PAPSS2: variants seen among roughly 807,000 people sequenced by gnomAD.
PAPSS2 encodes 3'-phosphoadenosine 5'-phosphosulfate synthase 2.
In PAPSS2, 61 loss-of-function variants were observed where a neutral mutation model predicts 66.5. The observed-to-expected ratio is 0.92, with a 90% CI of 0.75 to 1.14. PAPSS2 has a LOEUF of 1.14. PAPSS2 is among the 50% of genes most tolerant of loss of function. The pLI is 0.00. For missense variants in PAPSS2, 708 were observed against 789.6 expected, an observed-to-expected ratio of 0.90 and a Z score of 1.24; for synonymous variants, 289 against 287.5, an observed-to-expected ratio of 1.01 and a Z score of -0.05.
chr10:87,732,286 C>T (rs568559192), intron 9 of PAPSS2, among the ~76,000 whole-genome samples: 1 of 152,244 alleles, frequency 6.6e-6, no homozygotes, highest in East Asian at 1.9e-4. Flanking sequence ...AATCCCAACA[C>T]TTTGGGAGGC....
Position 87,678,754 on chromosome 10 carries a change from G to A in PAPSS2, c.27+18746G>A, listed in dbSNP as rs1852980932. On this transcript the variant is annotated intron_variant, in intron 1 of 12. Transcript: ENST00000456849. Reference sequence around the variant, plus strand: ...GATATTACCTCACCTCATGTAGAAGGGCTAATATGTAAAAAGACAAAAAAA... The same window carrying A: ...GATATTACCTCACCTCATGTAGAAGAGCTAATATGTAAAAAGACAAAAAAA... Among the ~76,000 whole-genome samples, 3 of 151,978 alleles carry A rather than the reference G, an allele frequency of 2.0e-5. No individual in the cohort carries two copies. The South Asian group carries it at 6.2e-4, about 32-fold the overall frequency.
intron 12 of PAPSS2, 85 bp from the exon 13 acceptor site, chr10:87,745,747 T>C: frequency 7.3e-7 from 1 of 1,370,766 alleles, no homozygotes; most frequent in South Asian, 1.2e-5. Flanking sequence ...AGAACATGGG[T>C]CTCAAAAACC....
At chr10:87,699,756 G>A (rs547670790) in intron 1 of PAPSS2, among the ~76,000 whole-genome samples, 13 of 151,318 alleles carry the variant, frequency 8.6e-5, no homozygotes, top group East Asian at 1.9e-4. Flanking sequence ...AGGCTGAGGC[G>A]GGAGAATCAC....
At chr10:87,723,654 C>G (rs1042813111) in intron 8 of PAPSS2, among the ~76,000 whole-genome samples, 1 of 139,452 alleles carries the variant, frequency 7.2e-6, no homozygotes, top group South Asian at 2.5e-4. Flanking sequence ...TATGATAGAC[C>G]GGATTTGTTT....
At chr10:87,719,554 A>C (rs1265100584) in intron 7 of PAPSS2, among the ~76,000 whole-genome samples, 2 of 152,208 alleles carry the variant, frequency 1.3e-5, no homozygotes, top group Non-Finnish European at 2.9e-5. Context: ...CCCAGGAGCT[A>C]GAGTCCCACC....
intron 1 of PAPSS2, among the ~76,000 whole-genome samples, chr10:87,673,079 A>G (rs1852899528): frequency 6.6e-6 from 1 of 152,192 alleles, no homozygotes; most frequent in South Asian, 2.1e-4. Context: ...AGTGGGGGCC[A>G]GTGTTCAGTT....
At chr10:87,662,449 CT>C (rs1373447914) in intron 1 of PAPSS2, among the ~76,000 whole-genome samples, 3 of 152,070 alleles carry the variant, frequency 2.0e-5, no homozygotes, top group East Asian at 1.9e-4. Flanking sequence ...TAGCACATTC[CT>C]TCTGTTTTAT....
rs1554865462 is a variant in PAPSS2, at chr10:87,713,312, T to TGAAAAAA, written c.381+2_381+3insGAAAAAA. ...AGCTTTATTTCTCCATTCGCAAAGG[T>TGAAAAAA]AAAAAAAAAAAAAAAAAAAAAAGGC... On this transcript the variant is annotated splice_region_variant and intron_variant, in intron 3 of 12. Transcript: ENST00000456849. 1 of 401,198 alleles carries TGAAAAAA rather than the reference T, an allele frequency of 2.5e-6. No individual in the cohort carries two copies. The highest frequency in any genetic ancestry group is 3.7e-6 in the Non-Finnish European group (1 of 273,472). The allele number at this position is 401,198 out of a possible 1,614,324, so 24.9% of individuals were successfully genotyped here.
chr10:87,739,897 T>G (rs1853846209), intron 9 of PAPSS2, among the ~76,000 whole-genome samples: 1 of 152,230 alleles, frequency 6.6e-6, no homozygotes, highest in African/African-American at 2.4e-5. Context: ...GTCCCCGTCT[T>G]TTTAGTATTC....
chr10:87,692,616 T>A (rs576035565), intron 1 of PAPSS2, among the ~76,000 whole-genome samples: 13 of 152,312 alleles, frequency 8.5e-5, no homozygotes, highest in African/African-American at 3.1e-4. Flanking sequence ...ATTGGCTGCT[T>A]GTTGTTTCTG....
chr10:87,708,889 A>G (rs1853427851), intron 1 of PAPSS2, among the ~76,000 whole-genome samples: 1 of 152,214 alleles, frequency 6.6e-6, no homozygotes, highest in East Asian at 1.9e-4. Context: ...TTTAAAAATA[A>G]TTATTTTATG....
chr10:87,714,015 T>C, intron 3 of PAPSS2, 29 bp from the exon 4 acceptor site: 1 of 1,612,884 alleles, frequency 6.2e-7, no homozygotes, highest in Non-Finnish European at 8.5e-7. Context: ...GAAACCTCTT[T>C]TTACATTCTT....
intron 9 of PAPSS2, among the ~76,000 whole-genome samples, chr10:87,732,734 C>T (rs1418879518): frequency 2.0e-5 from 3 of 152,030 alleles, no homozygotes; most frequent in African/African-American, 7.2e-5. Flanking sequence ...TTTTTTTCAT[C>T]ATGCCTTACA....
intron 1 of PAPSS2, among the ~76,000 whole-genome samples, chr10:87,706,108 A>ATATATATATGTGTGTGTGTGTGTGTG: frequency 5.8e-5 from 3 of 52,014 alleles, no homozygotes; most frequent in African/African-American, 3.0e-4. Flanking sequence ...ATATATATAT[A>ATATATATATGTGTGTGTGTGTGTGTG]TGTGTGTGTG....
chr10:87,727,597 G>A (rs1853676458), intron 9 of PAPSS2, 108 bp downstream of exon 9: 1 of 931,088 alleles, frequency 1.1e-6, no homozygotes, highest in Non-Finnish European at 1.7e-6. Flanking sequence ...GGGATTAGGT[G>A]GAAGAATGTA....
chr10:87,678,033 A>T (rs924220918), intron 1 of PAPSS2, among the ~76,000 whole-genome samples: 2 of 152,200 alleles, frequency 1.3e-5, no homozygotes, highest in Non-Finnish European at 2.9e-5. Flanking sequence ...AAAAACATGA[A>T]TCTTATATAA....
At position 87,746,480 on chromosome 10, in the gene PAPSS2, A is replaced by T. The variant is rs1453649725; in HGVS notation, c.*510A>T. 1 of 153,234 alleles carries T rather than the reference A, an allele frequency of 6.5e-6. No homozygotes were observed. The highest frequency in any genetic ancestry group is 2.4e-5 in the African/African-American group (1 of 41,410). 9.5% of individuals were successfully genotyped at this position (153,234 alleles called of 1,614,324 possible). A position where few individuals can be genotyped will look rare whatever the true frequency, so the allele number is the denominator to read the frequency against. The stretch of plus-strand genomic sequence containing the variant: ...AAGATTCTTCCTGATATTTTACCTC[A>T]TGCTGTACAAAGCCTTAATGTTGTA... On this transcript the variant is annotated 3_prime_UTR_variant, in exon 13 of 13. Coordinates refer to ENST00000456849, the MANE Select transcript of PAPSS2 (RefSeq NM_001015880.2).
rs1853385839 is a variant in PAPSS2, at chr10:87,706,122, G to GTGTGTGTGTGTC, written c.28-3063_28-3062insCTGTGTGTGTGT. On this transcript the variant is annotated intron_variant, in intron 1 of 12. Coordinates refer to ENST00000456849, the MANE Select transcript of PAPSS2 (RefSeq NM_001015880.2). ...TATATATATATATGTGTGTGTGTGTGTGTGTGTGTGTGTGTGTGTATATAT... is the reference window on the plus strand; with the variant it reads ...TATATATATATATGTGTGTGTGTGTGTGTGTGTGTGTCTGTGTGTGTGTGTGTGTGTATATAT... 3.4e-5 allele frequency among the ~76,000 whole-genome samples: 3 copies of GTGTGTGTGTGTC among 88,902 alleles called. 1 individual carries two copies. The highest frequency in any genetic ancestry group is 1.5e-4 in the African/African-American group (3 of 20,596). The allele number at this position is 88,902 out of a possible 152,430, so 58.3% of individuals were successfully genotyped here.
chr10:87,668,812 G>C (rs940186794), intron 1 of PAPSS2, among the ~76,000 whole-genome samples: 3 of 152,008 alleles, frequency 2.0e-5, no homozygotes, highest in African/African-American at 7.2e-5. Flanking sequence ...CCATTCTTTG[G>C]CTTGACTGGG....
Sources: gnomAD v4.1 joint callset for allele counts (sites outside exome capture counted in the v4.1 genomes callset) on GRCh38, gnomAD v4.1.1 for gene constraint, MANE v1.5 for transcripts, NCBI Gene and HGNC (gene_info 2026-07-23, HGNC 2026-07-21) for gene names.